Variants in RIMS1 observed in about 807,000 individuals in gnomAD.
The protein encoded by RIMS1 is regulating synaptic membrane exocytosis protein 1.
RIMS1 carries 83 observed loss-of-function variants against 214.1 expected under a neutral mutation model. That is an observed-to-expected ratio of 0.39 (90% confidence interval 0.32 to 0.47). The LOEUF is 0.47. Ranked by LOEUF, RIMS1 falls within the 20% of genes least tolerant of loss-of-function variation. RIMS1 has a pLI of 0.99. For synonymous variants in RIMS1, 793 were observed against 786.8 expected, an observed-to-expected ratio of 1.01 and a Z score of -0.13; for missense variants, 2,050 against 2,161.8, an observed-to-expected ratio of 0.95 and a Z score of 1.03.
chr6:72,325,171 T>G (rs1207929738), intron 28 of RIMS1, among the ~76,000 whole-genome samples: 1 of 151,752 alleles, frequency 6.6e-6, no homozygotes, highest in East Asian at 1.9e-4. Context: ...GATGGCAGCC[T>G]TTCCTTGATG....
chr6:72,068,764 A>G, intron 2 of RIMS1, among the ~76,000 whole-genome samples: 1 of 152,026 alleles, frequency 6.6e-6, no homozygotes, highest in Non-Finnish European at 1.5e-5. Flanking sequence ...ACAAAAAATT[A>G]GCTGGGCGTG....
chr6:71,887,222 G>C, intron 1 of RIMS1, 35 bp downstream of exon 1: 4 of 1,582,822 alleles, frequency 2.5e-6, no homozygotes, highest in Non-Finnish European at 3.4e-6. Context: ...CCATGCCTCC[G>C]TGCCTCCATC....
chr6:72,359,714 G>T (rs1328153444), intron 29 of RIMS1, among the ~76,000 whole-genome samples: 1 of 152,066 alleles, frequency 6.6e-6, no homozygotes, highest in Non-Finnish European at 1.5e-5. Context: ...AATAGCAAGG[G>T]TTCCTTTCCA....
intron 2 of RIMS1, among the ~76,000 whole-genome samples, chr6:72,031,482 T>C (rs1818088067): frequency 6.6e-6 from 1 of 152,126 alleles, no homozygotes. Context: ...GCAACTGGGA[T>C]TAAAAATATA....
intron 2 of RIMS1, among the ~76,000 whole-genome samples, chr6:72,049,711 T>C (rs1824082813): frequency 6.6e-6 from 1 of 152,158 alleles, no homozygotes; most frequent in African/African-American, 2.4e-5. Flanking sequence ...TGGGGAAAAA[T>C]ATTAAGGATA....
At chr6:72,159,492 A>G (rs2044978754) in intron 4 of RIMS1, among the ~76,000 whole-genome samples, 1 of 140,744 alleles carries the variant, frequency 7.1e-6, no homozygotes, top group African/African-American at 2.5e-5. Flanking sequence ...GGTATTGCCT[A>G]CGTTTTCTTG....
intron 4 of RIMS1, among the ~76,000 whole-genome samples, chr6:72,141,371 C>T (rs1294043904): frequency 1.3e-5 from 2 of 151,882 alleles, no homozygotes; most frequent in Admixed American, 6.6e-5. Flanking sequence ...ATTCCCTCCT[C>T]CCCCTCAAAA....
At chr6:72,031,684 G>A (rs1472020112) in intron 2 of RIMS1, among the ~76,000 whole-genome samples, 1 of 152,070 alleles carries the variant, frequency 6.6e-6, no homozygotes, top group East Asian at 1.9e-4. Context: ...CCAGGCAGAG[G>A]TAAAAGCTCC....
chr6:72,193,937 T>C (rs1253640640), intron 6 of RIMS1, among the ~76,000 whole-genome samples: 1 of 152,184 alleles, frequency 6.6e-6, no homozygotes, highest in African/African-American at 2.4e-5. Context: ...GAAGAAATTT[T>C]TTTTTAGAGT....
chr6:72,142,985 T>A (rs775646601), intron 4 of RIMS1, among the ~76,000 whole-genome samples: 1 of 152,146 alleles, frequency 6.6e-6, no homozygotes, highest in Non-Finnish European at 1.5e-5. Flanking sequence ...TTAAGCAGGC[T>A]ATTTTTGCAA....
At chr6:72,359,206 A>C (rs796466776) in intron 29 of RIMS1, among the ~76,000 whole-genome samples, 37 of 152,352 alleles carry the variant, frequency 2.4e-4, no homozygotes, top group African/African-American at 8.4e-4. Context: ...GGTGGCTGCA[A>C]GATGGTGGAT....
At chr6:72,376,145 A>G (rs1729006936) in intron 29 of RIMS1, among the ~76,000 whole-genome samples, 1 of 152,202 alleles carries the variant, frequency 6.6e-6, no homozygotes, top group African/African-American at 2.4e-5. Flanking sequence ...ATGCTTTCAC[A>G]TTCTATTAAA....
intron 2 of RIMS1, among the ~76,000 whole-genome samples, chr6:72,035,416 A>G (rs1328285153): frequency 1.3e-5 from 2 of 152,132 alleles, no homozygotes; most frequent in Non-Finnish European, 2.9e-5. Context: ...AAAACATTCA[A>G]TGCTTTGTAG....
intron 2 of RIMS1, among the ~76,000 whole-genome samples, chr6:71,995,586 C>T (rs569673872): frequency 6.6e-6 from 1 of 151,674 alleles, no homozygotes; most frequent in South Asian, 2.1e-4. Context: ...TCTTGGGCTG[C>T]CATAACAAAA....
At chr6:72,173,218 T>C (rs2047256844) in intron 4 of RIMS1, among the ~76,000 whole-genome samples, 1 of 152,154 alleles carries the variant, frequency 6.6e-6, no homozygotes, top group Non-Finnish European at 1.5e-5. Context: ...CTATTTCCTA[T>C]TCCTTTCTCT....
chr6:72,010,807 C>T lies in RIMS1; in HGVS notation c.245+41744C>T, dbSNP rs1390913772. Among the ~76,000 whole-genome samples, 4 of 151,862 alleles carry T rather than the reference C, an allele frequency of 2.6e-5. No individual in the cohort carries two copies. The East Asian group carries it at 5.8e-4, about 22-fold the overall frequency. On this transcript the variant is annotated intron_variant, in intron 2 of 33. Coordinates refer to ENST00000521978, the MANE Select transcript of RIMS1 (RefSeq NM_014989.7). ...GACCTCTTCAAGGAGAACTACAAAC[C>T]ACTGCTCAATGAAATAAAAGAGGAT...
chr6:71,933,268 A>G (rs1406700635), intron 1 of RIMS1, among the ~76,000 whole-genome samples: 1 of 151,876 alleles, frequency 6.6e-6, no homozygotes, highest in Non-Finnish European at 1.5e-5. Flanking sequence ...CCTCTCATGT[A>G]CCCTAGTAGG....
At chr6:71,947,359 T>C (rs1788163541) in intron 1 of RIMS1, among the ~76,000 whole-genome samples, 3 of 152,136 alleles carry the variant, frequency 2.0e-5, no homozygotes, top group African/African-American at 7.2e-5. Context: ...CATAATGGAA[T>C]ACTGTTCAAC....
At chr6:72,262,074 A>C (rs917239631) in intron 19 of RIMS1, 24 of 983,700 alleles carry the variant, frequency 2.4e-5, no homozygotes, top group Non-Finnish European at 2.7e-5. Context: ...AAACAAACAC[A>C]AAAAAAATCC....
Sources: allele counts gnomAD v4.1 joint callset (sites outside exome capture counted in the v4.1 genomes callset), GRCh38; gene constraint gnomAD v4.1.1; transcripts MANE v1.5; gene names NCBI Gene and HGNC (gene_info 2026-07-23, HGNC 2026-07-21).